PGBD5: variants seen among roughly 807,000 people sequenced by gnomAD.
PGBD5 encodes piggyBac transposable element derived 5, also known as piggyBac transposable element-derived protein 5.
Under a neutral mutation model 47.9 loss-of-function variants are expected in PGBD5, and 14 were observed. The observed-to-expected ratio is 0.29, with a 90% CI of 0.19 to 0.46. PGBD5 has a LOEUF of 0.46. Among genes scored for constraint, PGBD5 ranks in the 20% least tolerant of loss-of-function variants. The probability of loss-of-function intolerance (pLI) is 1.00; values close to 1 mark genes in which losing one functional copy is unlikely to be tolerated. For missense variants in PGBD5, 635 were observed against 716.0 expected, an observed-to-expected ratio of 0.89 and a Z score of 1.29; for synonymous variants, 316 against 306.3, an observed-to-expected ratio of 1.03 and a Z score of -0.33.
chr1:230,373,148 T>G (rs1379291297), intron 1 of PGBD5, among the ~76,000 whole-genome samples: 3 of 152,174 alleles, frequency 2.0e-5, no homozygotes, highest in Non-Finnish European at 4.4e-5. Flanking sequence ...ATTCGTGCAT[T>G]TCAGCTTTTG....
intron 6 of PGBD5, among the ~76,000 whole-genome samples, chr1:230,324,149 C>T (rs1667079857): frequency 6.6e-6 from 1 of 152,226 alleles, no homozygotes; most frequent in East Asian, 1.9e-4. Flanking sequence ...GAACACTGGC[C>T]TTCTTGGGAG....
At chr1:230,347,529 G>T (rs1667494403) in intron 3 of PGBD5, among the ~76,000 whole-genome samples, 1 of 145,936 alleles carries the variant, frequency 6.9e-6, no homozygotes, top group South Asian at 2.2e-4. Context: ...GCCCAGGCTG[G>T]AGTGCAGTGG....
At chr1:230,379,738 C>T (rs974890097) in intron 1 of PGBD5, among the ~76,000 whole-genome samples, 2 of 152,242 alleles carry the variant, frequency 1.3e-5, no homozygotes, top group African/African-American at 4.8e-5. Context: ...ATCGATCCAC[C>T]TCTCTGATTT....
At chr1:230,399,598 G>A (rs1243188001) in intron 1 of PGBD5, among the ~76,000 whole-genome samples, 2 of 152,136 alleles carry the variant, frequency 1.3e-5, no homozygotes, top group Admixed American at 6.5e-5. Context: ...CCAGCCTTCT[G>A]GTCTGGTCCT....
intron 1 of PGBD5, among the ~76,000 whole-genome samples, chr1:230,391,591 C>T (rs1417341471): frequency 6.6e-6 from 1 of 152,216 alleles, no homozygotes; most frequent in African/African-American, 2.4e-5. Context: ...ACCTTAAGAC[C>T]TCAGTGACAA....
At chr1:230,330,129 G>A (rs976849385) in intron 5 of PGBD5, among the ~76,000 whole-genome samples, 3 of 152,140 alleles carry the variant, frequency 2.0e-5, no homozygotes, top group Non-Finnish European at 4.4e-5. Flanking sequence ...AAAATCACTC[G>A]AAATTAGCCA....
intron 1 of PGBD5, among the ~76,000 whole-genome samples, chr1:230,405,701 T>C (rs1204312852): frequency 6.6e-6 from 1 of 152,190 alleles, no homozygotes; most frequent in Non-Finnish European, 1.5e-5. Context: ...TAAAAATATA[T>C]GGACCAGAAC....
intron 1 of PGBD5, among the ~76,000 whole-genome samples, chr1:230,398,283 G>A (rs749957686): frequency 3.5e-4 from 53 of 152,174 alleles, no homozygotes; most frequent in Non-Finnish European, 6.3e-4. Context: ...TGCTGGAGGC[G>A]AGAAGTGTGA....
At chr1:230,385,128 G>A (rs1286573776) in intron 1 of PGBD5, among the ~76,000 whole-genome samples, 1 of 152,078 alleles carries the variant, frequency 6.6e-6, no homozygotes, top group Non-Finnish European at 1.5e-5. Flanking sequence ...CGTTGGGGCT[G>A]AAATTTCAGT....
chr1:230,426,013 G>GC lies in PGBD5; in HGVS notation c.-86dup. On this transcript the variant is annotated 5_prime_UTR_variant, in exon 1 of 7. Transcript: ENST00000391860. Reference sequence around the variant, plus strand: ...CCCTGGGCCCGCGCCGCGGCCCGCCGCCCCCCACCAGCGCAGCCCGCAGCA... The same window carrying GC: ...CCCTGGGCCCGCGCCGCGGCCCGCCGCCCCCCCACCAGCGCAGCCCGCAGCA... The GC allele has an allele frequency of 1.5e-6, 1 of 648,728 alleles. No homozygotes were observed. Among genetic ancestry groups the GC allele is most frequent in the Non-Finnish European group, 1.9e-6 (1 of 527,044 alleles). The allele number at this position is 648,728 out of a possible 1,614,324, so 40.2% of individuals were successfully genotyped here. A position where few individuals can be genotyped will look rare whatever the true frequency, so the allele number is the denominator to read the frequency against.
chr1:230,394,749 C>T (rs533698626), intron 1 of PGBD5, among the ~76,000 whole-genome samples: 31 of 131,802 alleles, frequency 2.4e-4, no homozygotes, highest in African/African-American at 8.4e-4. Flanking sequence ...ACCCTCCTCC[C>T]CTCCACTCAC....
intron 1 of PGBD5, among the ~76,000 whole-genome samples, chr1:230,382,923 T>C (rs979088050): frequency 7.1e-6 from 1 of 140,332 alleles, no homozygotes; most frequent in Non-Finnish European, 1.6e-5. Flanking sequence ...TACTACTTCA[T>C]TGTAAGGATG....
At chr1:230,387,406 G>A (rs1448694317) in intron 1 of PGBD5, among the ~76,000 whole-genome samples, 1 of 152,172 alleles carries the variant, frequency 6.6e-6, no homozygotes, top group African/African-American at 2.4e-5. Context: ...AATAAAGGGG[G>A]CAGAATACAA....
At chr1:230,421,566 T>C (rs1657648851) in intron 1 of PGBD5, among the ~76,000 whole-genome samples, 1 of 152,088 alleles carries the variant, frequency 6.6e-6, no homozygotes, top group African/African-American at 2.4e-5. Context: ...TAATAATGCA[T>C]GAAAATGCAA....
At chr1:230,356,643 G>A (rs145693779) in intron 2 of PGBD5, among the ~76,000 whole-genome samples, 16 of 152,316 alleles carry the variant, frequency 1.1e-4, no homozygotes, top group East Asian at 1.9e-4. Flanking sequence ...GAAAAGAGGC[G>A]GAAGATTGCC....
At chr1:230,391,959 T>C (rs1656795506) in intron 1 of PGBD5, among the ~76,000 whole-genome samples, 1 of 151,802 alleles carries the variant, frequency 6.6e-6, no homozygotes, top group South Asian at 2.1e-4. Flanking sequence ...GACACAGGAG[T>C]CCTGCTGGGC....
At chr1:230,418,103 C>T (rs1657557961) in intron 1 of PGBD5, among the ~76,000 whole-genome samples, 1 of 152,112 alleles carries the variant, frequency 6.6e-6, no homozygotes, top group South Asian at 2.1e-4. Flanking sequence ...CCCCCACCAG[C>T]AAAGAATTAT....
chr1:230,426,041 G>T lies in PGBD5; in HGVS notation c.-113C>A. On this transcript the variant is annotated 5_prime_UTR_variant, in exon 1 of 7. In the 5' UTR this introduces an upstream ATG that the reference lacks. Coordinates refer to ENST00000391860, the MANE Select transcript of PGBD5 (RefSeq NM_001258311.2). ...CCCCACCAGCGCAGCCCGCAGCACAGCGCCCGCCGCCCCGTGCCCGGCCGG... is the reference window on the plus strand; with the variant it reads ...CCCCACCAGCGCAGCCCGCAGCACATCGCCCGCCGCCCCGTGCCCGGCCGG... 1 of 436,994 alleles carries T rather than the reference G, an allele frequency of 2.3e-6. No individual in the cohort carries two copies. The highest frequency in any genetic ancestry group is 3.0e-6 in the Non-Finnish European group (1 of 332,238). The allele number at this position is 436,994 out of a possible 1,614,324, so 27.1% of individuals were successfully genotyped here. A position where few individuals can be genotyped will look rare whatever the true frequency, so the allele number is the denominator to read the frequency against.
chr1:230,360,520 CG>C (rs1013942325), intron 1 of PGBD5, among the ~76,000 whole-genome samples: 13 of 152,084 alleles, frequency 8.5e-5, no homozygotes, highest in Non-Finnish European at 1.8e-4. Context: ...ATCATGGGGG[CG>C]GGTCCCCCAT....
Sources: gnomAD v4.1 joint callset for allele counts (sites outside exome capture counted in the v4.1 genomes callset) on GRCh38, gnomAD v4.1.1 for gene constraint, MANE v1.5 for transcripts, NCBI Gene and HGNC (gene_info 2026-07-23, HGNC 2026-07-21) for gene names.